ROBO2: variants seen among roughly 807,000 people sequenced by gnomAD.
The protein encoded by ROBO2 is roundabout guidance receptor 2.
ROBO2 carries 53 observed loss-of-function variants against 160.8 expected under a neutral mutation model. The ratio of observed to expected loss-of-function variants is 0.33; its 90% CI spans 0.26 to 0.41. ROBO2 has a LOEUF of 0.41. Among genes scored for constraint, ROBO2 ranks in the 10% least tolerant of loss-of-function variants. The pLI, the probability that ROBO2 is intolerant of heterozygous loss-of-function variation, is 1.00. For missense variants in ROBO2, 1,577 were observed against 1,722.4 expected, an observed-to-expected ratio of 0.92 and a Z score of 1.49; for synonymous variants, 664 against 611.7, an observed-to-expected ratio of 1.09 and a Z score of -1.26.
chr3:77,322,684 T>C (rs915844342), intron 2 of ROBO2, among the ~76,000 whole-genome samples: 2 of 148,446 alleles, frequency 1.3e-5, no homozygotes, highest in Non-Finnish European at 3.0e-5. Context: ...TCTTGAATAT[T>C]TTAGTTTCTA....
rs56404865 is a variant in ROBO2 at position 76,576,701 on chromosome 3, CT to C, written c.110-521292del. Among the ~76,000 whole-genome samples, 137 of 62,394 alleles carry C rather than the reference CT, an allele frequency of 2.2e-3. 1 individual carries two copies. Among genetic ancestry groups the C allele is most frequent in the South Asian group, 7.0e-3 (11 of 1,572 alleles). 40.9% of individuals were successfully genotyped at this position (62,394 alleles called of 152,430 possible). ...TTTTACAGTTTAAATCATTTTCTTT[CT>C]TTTTTTTTTTTTTTTTTTTTGACAG... On this transcript the variant is annotated intron_variant, in intron 2 of 26. Coordinates refer to the ROBO2 transcript ENST00000487694.
intron 2 of ROBO2, among the ~76,000 whole-genome samples, chr3:77,185,107 G>T (rs765662661): frequency 6.6e-6 from 1 of 151,998 alleles, no homozygotes. Context: ...TGTCAAATAT[G>T]ATTTTAAGGC....
intron 2 of ROBO2, among the ~76,000 whole-genome samples, chr3:77,396,373 A>T (rs910817672): frequency 2.6e-5 from 4 of 152,124 alleles, no homozygotes; most frequent in Middle Eastern, 3.2e-3. Context: ...TGAAATAATC[A>T]AATTATTAAA....
chr3:75,934,812 C>T, intron 1 of ROBO2, among the ~76,000 whole-genome samples: 1 of 151,988 alleles, frequency 6.6e-6, no homozygotes, highest in East Asian at 1.9e-4. Flanking sequence ...TTTTCAAATA[C>T]TGCCTCAGTT....
At chr3:77,153,722 C>T (rs2077729945) in intron 2 of ROBO2, among the ~76,000 whole-genome samples, 1 of 152,076 alleles carries the variant, frequency 6.6e-6, no homozygotes, top group East Asian at 1.9e-4. Flanking sequence ...GTCAGAGCCA[C>T]ATTTTCATGG....
At chr3:77,451,235 T>C (rs1360024019) in intron 2 of ROBO2, among the ~76,000 whole-genome samples, 1 of 152,110 alleles carries the variant, frequency 6.6e-6, no homozygotes, top group Non-Finnish European at 1.5e-5. Context: ...AATTTCCAAT[T>C]CTTTCTATTT....
At chr3:75,907,409 G>A (rs1946393994) in intron 1 of ROBO2, among the ~76,000 whole-genome samples, 3 of 152,032 alleles carry the variant, frequency 2.0e-5, no homozygotes, top group Non-Finnish European at 2.9e-5. Context: ...GGGGGTGGGG[G>A]TTGGGACTCT....
At chr3:77,560,831 A>G (rs1351340248) in intron 9 of ROBO2, among the ~76,000 whole-genome samples, 1 of 152,146 alleles carries the variant, frequency 6.6e-6, no homozygotes, top group African/African-American at 2.4e-5. Context: ...CAAGTGCTAC[A>G]TTTTAGTTCA....
chr3:77,583,928 C>A (rs1386089487), intron 16 of ROBO2, among the ~76,000 whole-genome samples: 1 of 152,118 alleles, frequency 6.6e-6, no homozygotes, highest in African/African-American at 2.4e-5. Flanking sequence ...AAAATACTTT[C>A]AAGGCATGAT....
intron 2 of ROBO2, among the ~76,000 whole-genome samples, chr3:76,668,883 G>T (rs757652914): frequency 6.6e-5 from 10 of 152,152 alleles, no homozygotes; most frequent in Non-Finnish European, 1.5e-4. Context: ...GACTGCAGCG[G>T]TTGGGGTGGT....
intron 2 of ROBO2, among the ~76,000 whole-genome samples, chr3:76,998,306 G>A (rs2061143403): frequency 6.6e-6 from 1 of 152,000 alleles, no homozygotes; most frequent in Non-Finnish European, 1.5e-5. Flanking sequence ...GAAGAACATT[G>A]AAAAGAAAAT....
intron 2 of ROBO2, among the ~76,000 whole-genome samples, chr3:76,910,371 A>T (rs543307269): frequency 3.1e-4 from 47 of 152,262 alleles, no homozygotes; most frequent in African/African-American, 1.1e-3. Context: ...CACTTATGAA[A>T]TGATGAGAAA....
Position 77,572,466 on chromosome 3 carries a change from G to A in ROBO2, c.1972-2033G>A, listed in dbSNP as rs551532417. 7.3e-5 allele frequency among the ~76,000 whole-genome samples: 11 copies of A among 151,712 alleles called. No individual in the cohort carries two copies. In the East Asian group the frequency reaches 1.6e-3, roughly 22 times the overall value. On this transcript the variant is annotated intron_variant, in intron 13 of 25. Coordinates refer to ENST00000461745, the Ensembl canonical transcript of ROBO2. ...CTGGTAGCATGAATGAGGACTTGCCGATCACCAGCTTCCATGTTACACCTG... is the reference window on the plus strand; with the variant it reads ...CTGGTAGCATGAATGAGGACTTGCCAATCACCAGCTTCCATGTTACACCTG...
At chr3:76,108,858 T>G (rs1051826618) in intron 2 of ROBO2, among the ~76,000 whole-genome samples, 1 of 151,394 alleles carries the variant, frequency 6.6e-6, no homozygotes, top group African/African-American at 2.4e-5. Context: ...CATACAGATA[T>G]CTATTTTATT....
chr3:77,161,094 C>T (rs77594675), intron 2 of ROBO2, among the ~76,000 whole-genome samples: 5,749 of 152,256 alleles, frequency 0.038, 158 homozygotes, highest in East Asian at 0.088. Flanking sequence ...TCCCTGTAAG[C>T]TTCATGGCCT....
At chr3:76,382,123 G>A (rs1048495260) in intron 2 of ROBO2, among the ~76,000 whole-genome samples, 1 of 152,056 alleles carries the variant, frequency 6.6e-6, no homozygotes, top group Non-Finnish European at 1.5e-5. Context: ...GCACCAATAT[G>A]CCTGGCTAAT....
intron 2 of ROBO2, among the ~76,000 whole-genome samples, chr3:76,524,942 A>T (rs2081868408): frequency 6.6e-6 from 1 of 150,562 alleles, no homozygotes; most frequent in African/African-American, 2.4e-5. Context: ...TGAGTTAGAG[A>T]TCTATGCAAA....
intron 2 of ROBO2, among the ~76,000 whole-genome samples, chr3:75,945,901 T>C (rs1321990640): frequency 6.6e-6 from 1 of 152,086 alleles, no homozygotes; most frequent in East Asian, 1.9e-4. Flanking sequence ...GGAACCCAAA[T>C]TTAGGCAGTG....
chr3:76,437,008 T>C (rs1408772352), intron 2 of ROBO2, among the ~76,000 whole-genome samples: 1 of 152,212 alleles, frequency 6.6e-6, no homozygotes, highest in East Asian at 1.9e-4. Flanking sequence ...ATTTAAATAT[T>C]TAACAGCTGT....
Sources: gnomAD v4.1 joint callset for allele counts (sites outside exome capture counted in the v4.1 genomes callset) on GRCh38, gnomAD v4.1.1 for gene constraint, MANE v1.5 for transcripts, NCBI Gene and HGNC (gene_info 2026-07-23, HGNC 2026-07-21) for gene names.